The following SLC25A31 variants were observed in gnomAD, a reference collection of about 807,000 sequenced individuals.
The protein encoded by SLC25A31 is solute carrier family 25 member 31, also known as ADP/ATP translocase 4.
Under a neutral mutation model 36.2 loss-of-function variants are expected in SLC25A31, and 40 were observed. The ratio of observed to expected loss-of-function variants is 1.10; its 90% CI spans 0.86 to 1.44. SLC25A31 has a LOEUF of 1.44. SLC25A31 is among the 40% of genes most tolerant of loss of function. The pLI is 0.00. For synonymous variants in SLC25A31, 143 were observed against 149.7 expected (o/e 0.96, Z 0.32); for missense variants, 350 against 397.1 (o/e 0.88, Z 1.01).
In SLC25A31 at chr4:127,773,639, A is replaced by G; in HGVS notation, c.*65A>G. 2 of 1,265,406 alleles carry G rather than the reference A, an allele frequency of 1.6e-6. No homozygotes were observed. 78.4% of individuals were successfully genotyped at this position (1,265,406 alleles called of 1,614,324 possible). A position where few individuals can be genotyped will look rare whatever the true frequency, so the allele number is the denominator to read the frequency against. On this transcript the variant is annotated 3_prime_UTR_variant, in exon 6 of 6. Coordinates refer to ENST00000281154, the MANE Select transcript of SLC25A31 (RefSeq NM_031291.4). ...TAAACATACAAATTACATAGCTGCCATTTGCATACATTTTGATAGTGTTAT... is the reference window on the plus strand; with the variant it reads ...TAAACATACAAATTACATAGCTGCCGTTTGCATACATTTTGATAGTGTTAT...
chr4:127,735,620 A>G (rs1468201033), intron 1 of SLC25A31, among the ~76,000 whole-genome samples: 1 of 152,118 alleles, frequency 6.6e-6, no homozygotes, highest in Non-Finnish European at 1.5e-5. Context: ...GTACCAAATA[A>G]AAGTTTTTAA....
chr4:127,737,119 G>T lies in SLC25A31; in HGVS notation c.232+6342G>T, dbSNP rs530202518. 1.4e-3 allele frequency among the ~76,000 whole-genome samples: 215 copies of T among 152,320 alleles called. 3 individuals are homozygous for T. The highest frequency in any genetic ancestry group is 4.1e-3 in the South Asian group (20 of 4,830). ...GCAAAGAAGGAAATAAGAATAAGATGTTTTAGTGTGATCTATGGGAAAAGA... is the reference window on the plus strand; with the variant it reads ...GCAAAGAAGGAAATAAGAATAAGATTTTTTAGTGTGATCTATGGGAAAAGA... On this transcript the variant is annotated intron_variant, in intron 1 of 5. Transcript: ENST00000281154.
intron 1 of SLC25A31, among the ~76,000 whole-genome samples, chr4:127,736,432 ACCAT>A (rs1458125769): frequency 4.6e-5 from 7 of 152,214 alleles, no homozygotes; most frequent in African/African-American, 1.7e-4. Context: ...ATATTAAGAA[ACCAT>A]CCATTTATTC....
chr4:127,747,608 G>T (rs1731848199), intron 2 of SLC25A31, among the ~76,000 whole-genome samples: 1 of 152,080 alleles, frequency 6.6e-6, no homozygotes, highest in African/African-American at 2.4e-5. Flanking sequence ...TCTAAAATTT[G>T]GGCATAATAA....
At chr4:127,735,343 T>C (rs867279387) in intron 1 of SLC25A31, among the ~76,000 whole-genome samples, 3 of 152,242 alleles carry the variant, frequency 2.0e-5, no homozygotes, top group Non-Finnish European at 4.4e-5. Context: ...TTTGAAAATA[T>C]TGTTTTTCAT....
intron 5 of SLC25A31, among the ~76,000 whole-genome samples, chr4:127,770,124 T>G (rs1220027628): frequency 1.3e-5 from 2 of 152,192 alleles, no homozygotes; most frequent in African/African-American, 4.8e-5. Context: ...TTACTTCACT[T>G]AGGGATAATA....
At chr4:127,759,309 G>C (rs1227500868) in intron 2 of SLC25A31, among the ~76,000 whole-genome samples, 3 of 150,246 alleles carry the variant, frequency 2.0e-5, no homozygotes, top group African/African-American at 7.4e-5. Context: ...ACTGACTTTT[G>C]TACATTGATT....
intron 2 of SLC25A31, among the ~76,000 whole-genome samples, chr4:127,756,446 G>A (rs1167379215): frequency 6.6e-6 from 1 of 152,132 alleles, no homozygotes; most frequent in African/African-American, 2.4e-5. Context: ...GGGGGGATGA[G>A]GAATGGGTAG....
chr4:127,732,947 T>A (rs1377181295), intron 1 of SLC25A31, among the ~76,000 whole-genome samples: 2 of 152,240 alleles, frequency 1.3e-5, no homozygotes, highest in African/African-American at 4.8e-5. Context: ...AACGTCCTGC[T>A]GCTATATGCA....
chr4:127,768,203 T>A (rs1732282074), intron 4 of SLC25A31, among the ~76,000 whole-genome samples: 1 of 151,964 alleles, frequency 6.6e-6, no homozygotes, highest in Admixed American at 6.6e-5. Flanking sequence ...TGCATGGCAT[T>A]TTTATTGTTG....
At chr4:127,733,198 T>C (rs1455421562) in intron 1 of SLC25A31, among the ~76,000 whole-genome samples, 2 of 152,250 alleles carry the variant, frequency 1.3e-5, no homozygotes, top group African/African-American at 4.8e-5. Context: ...AGAAGTTTAC[T>C]AAGAGTTCAT....
At chr4:127,743,124 T>C (rs1403962609) in intron 1 of SLC25A31, among the ~76,000 whole-genome samples, 2 of 150,440 alleles carry the variant, frequency 1.3e-5, no homozygotes, top group East Asian at 3.9e-4. Context: ...TTTTCTTTTT[T>C]CTTTTCTTTT....
At chr4:127,741,102 T>G (rs1181692041) in intron 1 of SLC25A31, among the ~76,000 whole-genome samples, 3 of 152,240 alleles carry the variant, frequency 2.0e-5, no homozygotes, top group Non-Finnish European at 4.4e-5. Flanking sequence ...TTTTATATCC[T>G]AAAACTTTAC....
At chr4:127,740,290 TGGG>T (rs1204769498) in intron 1 of SLC25A31, among the ~76,000 whole-genome samples, 1 of 152,132 alleles carries the variant, frequency 6.6e-6, no homozygotes, top group Non-Finnish European at 1.5e-5. Flanking sequence ...CCTCCTCCCT[TGGG>T]GGTGTAACTG....
chr4:127,762,210 G>A (rs1231147518), intron 2 of SLC25A31, among the ~76,000 whole-genome samples: 1 of 152,148 alleles, frequency 6.6e-6, no homozygotes, highest in Non-Finnish European at 1.5e-5. Context: ...CAGCTGATGA[G>A]TAGATAATGT....
intron 1 of SLC25A31, among the ~76,000 whole-genome samples, chr4:127,741,365 T>C (rs999043669): frequency 2.0e-5 from 3 of 152,204 alleles, no homozygotes; most frequent in Admixed American, 6.5e-5. Context: ...TTGTCACATA[T>C]GGCCTTTATT....
chr4:127,744,623 G>C, intron 1 of SLC25A31, 49 bp from the exon 2 acceptor site: 1 of 1,489,474 alleles, frequency 6.7e-7, no homozygotes, highest in Non-Finnish European at 9.0e-7. Flanking sequence ...TATGGCAATT[G>C]TTTAATAATA....
intron 1 of SLC25A31, among the ~76,000 whole-genome samples, chr4:127,741,029 T>A (rs1449893567): frequency 6.6e-6 from 1 of 152,232 alleles, no homozygotes; most frequent in Non-Finnish European, 1.5e-5. Flanking sequence ...TGATACTGTT[T>A]TATTACTTTT....
At chr4:127,767,242 G>A (rs1732262918) in intron 4 of SLC25A31, 22 bp downstream of exon 4, 2 of 1,482,078 alleles carry the variant, frequency 1.3e-6, no homozygotes, top group Non-Finnish European at 1.8e-6. Context: ...GCTTTAACTT[G>A]GACATATTAA....
Sources: allele counts gnomAD v4.1 joint callset (sites outside exome capture counted in the v4.1 genomes callset), GRCh38; gene constraint gnomAD v4.1.1; transcripts MANE v1.5; gene names NCBI Gene and HGNC (gene_info 2026-07-23, HGNC 2026-07-21).